Variants in PRKAR1B observed in about 807,000 individuals in gnomAD.
PRKAR1B encodes the protein protein kinase cAMP-dependent type I regulatory subunit beta, also known as cAMP-dependent protein kinase type I-beta regulatory subunit.
A neutral mutation model predicts 46.5 loss-of-function variants in PRKAR1B; 22 were observed. The ratio of observed to expected loss-of-function variants is 0.47; its 90% CI spans 0.34 to 0.68. The LOEUF is 0.68. Among genes scored for constraint, PRKAR1B ranks in the 30% least tolerant of loss-of-function variants. The pLI, the probability that PRKAR1B is intolerant of heterozygous loss-of-function variation, is 0.01. For synonymous variants in PRKAR1B, 259 were observed against 217.7 expected (o/e 1.19, Z -1.67); for missense variants, 445 against 535.6 (o/e 0.83, Z 1.67).
intron 1 of PRKAR1B, among the ~76,000 whole-genome samples, chr7:724,571 G>A (rs775144181): frequency 1.8e-4 from 27 of 152,134 alleles, no homozygotes; most frequent in Middle Eastern, 3.2e-3. Flanking sequence ...ACCCAGTCTC[G>A]GCCATGTCTT....
chr7:635,934 GCGCC>G (rs1784029921), intron 4 of PRKAR1B, among the ~76,000 whole-genome samples: 1 of 147,916 alleles, frequency 6.8e-6, no homozygotes, highest in Admixed American at 6.8e-5. Context: ...TACCAGCACC[GCGCC>G]CACACATCCT....
At chr7:695,219 C>T (rs1014123020) in intron 2 of PRKAR1B, among the ~76,000 whole-genome samples, 15 of 152,098 alleles carry the variant, frequency 9.9e-5, no homozygotes, top group East Asian at 1.9e-4. Flanking sequence ...GGGCTGAAGA[C>T]GTGGGATCAG....
At chr7:581,893 A>T (rs560461988) in intron 8 of PRKAR1B, among the ~76,000 whole-genome samples, 3 of 152,216 alleles carry the variant, frequency 2.0e-5, no homozygotes, top group African/African-American at 7.2e-5. Flanking sequence ...CTTTTTAAAA[A>T]TTTTTTGGAG....
chr7:592,431 C>T (rs112359212), intron 7 of PRKAR1B, among the ~76,000 whole-genome samples: 1 of 152,080 alleles, frequency 6.6e-6, no homozygotes, highest in Non-Finnish European at 1.5e-5. Flanking sequence ...CCTGGCCCCA[C>T]TGGCTGTGCC....
At chr7:689,932 C>T (rs571522043) in intron 2 of PRKAR1B, among the ~76,000 whole-genome samples, 1 of 151,618 alleles carries the variant, frequency 6.6e-6, no homozygotes, top group Non-Finnish European at 1.5e-5. Flanking sequence ...CCGCCCGCCT[C>T]GGCCTCCCAA....
rs112067038 is a variant in PRKAR1B at position 617,392 on chromosome 7, C to A, written c.441-9940G>T. 3.0e-3 allele frequency among the ~76,000 whole-genome samples: 456 copies of A among 151,098 alleles called. 6 individuals carry two copies. Among genetic ancestry groups the A allele is most frequent in the African/African-American group, 0.01 (425 of 41,066 alleles). ...GCATCACAGCTCACTTCAGCCTTGA[C>A]CTTCTGAGCTCAAGCGATCCTCCTG... is the stretch of plus-strand genomic sequence containing the variant. On this transcript the variant is annotated intron_variant, in intron 4 of 10. Transcript: ENST00000537384.
intron 6 of PRKAR1B, among the ~76,000 whole-genome samples, chr7:598,941 C>T (rs968875128): frequency 6.6e-6 from 1 of 152,238 alleles, no homozygotes; most frequent in African/African-American, 2.4e-5. Flanking sequence ...AAGGGTGAGT[C>T]TCCACAGAGC....
chr7:596,365 C>G, intron 6 of PRKAR1B, 61 bp from the exon 7 acceptor site: 1 of 1,548,748 alleles, frequency 6.5e-7, no homozygotes, highest in African/African-American at 1.4e-5. Context: ...CCTCTGCATC[C>G]CATACAGAAA....
intron 2 of PRKAR1B, among the ~76,000 whole-genome samples, chr7:695,448 G>A (rs184847585): frequency 3.3e-5 from 5 of 152,244 alleles, no homozygotes; most frequent in African/African-American, 1.2e-4. Flanking sequence ...AGGGGTCAGT[G>A]GTGCTGCCTT....
At chr7:646,458 C>G (rs1473851227) in intron 4 of PRKAR1B, among the ~76,000 whole-genome samples, 1 of 152,214 alleles carries the variant, frequency 6.6e-6, no homozygotes, top group African/African-American at 2.4e-5. Context: ...TTCCAAGTGC[C>G]AAGCAGCTCG....
At chr7:562,801 A>C (rs886231542) in intron 9 of PRKAR1B, among the ~76,000 whole-genome samples, 2 of 151,998 alleles carry the variant, frequency 1.3e-5, no homozygotes, top group Non-Finnish European at 2.9e-5. Context: ...CATGGGGTCC[A>C]TGCCCCCCAA....
At chr7:679,845 G>C (rs1778556668) in intron 3 of PRKAR1B, among the ~76,000 whole-genome samples, 1 of 152,094 alleles carries the variant, frequency 6.6e-6, no homozygotes, top group Non-Finnish European at 1.5e-5. Flanking sequence ...CTGAATAATG[G>C]GATTTGTGCC....
intron 4 of PRKAR1B, among the ~76,000 whole-genome samples, chr7:669,633 G>A (rs1041335973): frequency 1.1e-4 from 17 of 151,502 alleles, no homozygotes; most frequent in South Asian, 8.4e-4. Context: ...GTGTGGTGGC[G>A]CACACCTGTA....
intron 1 of PRKAR1B, among the ~76,000 whole-genome samples, chr7:715,807 C>T (rs1040973525): frequency 1.3e-5 from 2 of 152,014 alleles, no homozygotes; most frequent in African/African-American, 4.8e-5. Flanking sequence ...GCTCCGCCTC[C>T]CGGGTTCACG....
At position 708,109 on chromosome 7, in the gene PRKAR1B, C is replaced by T. The variant is rs143091731; in HGVS notation, c.177+3220G>A. Among the ~76,000 whole-genome samples the T allele has an allele frequency of 9.6e-3, 1,306 of 136,126 alleles. 11 individuals carry two copies. The highest frequency in any genetic ancestry group is 0.044 in the Middle Eastern group (9 of 204). 89.3% of individuals were successfully genotyped at this position (136,126 alleles called of 152,430 possible). A position where few individuals can be genotyped will look rare whatever the true frequency, so the allele number is the denominator to read the frequency against. On this transcript the variant is annotated intron_variant, in intron 2 of 10. Coordinates refer to ENST00000537384, the MANE Select transcript of PRKAR1B (RefSeq NM_001164760.2). The stretch of plus-strand genomic sequence containing the variant: ...ACACCTCAATCTCGGACTTCCAGCC[C>T]GGACCACCCAAAATCGCCAGAACCA...
intron 1 of PRKAR1B, among the ~76,000 whole-genome samples, chr7:719,473 C>A (rs1250706344): frequency 6.6e-6 from 1 of 152,176 alleles, no homozygotes; most frequent in Non-Finnish European, 1.5e-5. Context: ...GTCACTGCAT[C>A]CAGCTAAGTT....
chr7:701,189 A>C (rs906348050), intron 2 of PRKAR1B, among the ~76,000 whole-genome samples: 8 of 151,510 alleles, frequency 5.3e-5, no homozygotes, highest in Admixed American at 6.6e-5. Flanking sequence ...CTCTGAAAAA[A>C]AGAAAAGAAA....
intron 1 of PRKAR1B, among the ~76,000 whole-genome samples, chr7:725,442 A>C (rs112535549): frequency 2.3e-4 from 35 of 152,188 alleles, no homozygotes; most frequent in African/African-American, 8.2e-4. Flanking sequence ...GCTCACAGCA[A>C]CTCCGACTCC....
chr7:622,519 T>C (rs186814687), intron 4 of PRKAR1B, among the ~76,000 whole-genome samples: 4 of 152,344 alleles, frequency 2.6e-5, no homozygotes, highest in Middle Eastern at 3.4e-3. Flanking sequence ...ACTGAGTTAT[T>C]AGCACTTCCA....
Sources: allele counts gnomAD v4.1 joint callset (sites outside exome capture counted in the v4.1 genomes callset), GRCh38; gene constraint gnomAD v4.1.1; transcripts MANE v1.5; gene names NCBI Gene and HGNC (gene_info 2026-07-23, HGNC 2026-07-21).